Variants in TIPIN observed in about 807,000 individuals in gnomAD.
TIPIN encodes TIMELESS-interacting protein.
TIPIN carries 29 observed loss-of-function variants against 35.6 expected under a neutral mutation model. That is an observed-to-expected ratio of 0.82 (90% CI 0.61 to 1.11). TIPIN has a LOEUF of 1.11. Among genes scored for constraint, TIPIN ranks in the 50% most tolerant of loss-of-function variants. TIPIN has a pLI of 0.00. For missense variants in TIPIN, 296 were observed against 345.4 expected, an observed-to-expected ratio of 0.86 and a Z score of 1.13; for synonymous variants, 102 against 121.5, an observed-to-expected ratio of 0.84 and a Z score of 1.06.
At chr15:66,352,710 T>C in intron 2 of TIPIN, 105 bp downstream of exon 2, 1 of 1,281,116 alleles carries the variant, frequency 7.8e-7, no homozygotes, top group Non-Finnish European at 1.0e-6. Flanking sequence ...CTCAAATTCC[T>C]GACCTTGTGA....
intron 1 of TIPIN, among the ~76,000 whole-genome samples, chr15:66,380,416 A>G (rs2093314697): frequency 6.6e-6 from 1 of 152,194 alleles, no homozygotes; most frequent in Non-Finnish European, 1.5e-5. Flanking sequence ...ATTATGTTCT[A>G]TTGGTTTTTA....
intron 1 of TIPIN, chr15:66,379,581 A>G: frequency 6.2e-7 from 1 of 1,611,506 alleles, no homozygotes; most frequent in Non-Finnish European, 8.5e-7. Flanking sequence ...TCGGATTTCA[A>G]CAACAGACCC....
At chr15:66,366,811 A>G (rs2093256815) in intron 1 of TIPIN, 1 of 983,528 alleles carries the variant, frequency 1.0e-6, no homozygotes. Context: ...AAGAAAAAGA[A>G]AAGAAATTCC....
intron 1 of TIPIN, among the ~76,000 whole-genome samples, chr15:66,353,384 G>C (rs984830016): frequency 6.6e-6 from 1 of 151,984 alleles, no homozygotes; most frequent in Admixed American, 6.6e-5. Context: ...TTGGGAGGCC[G>C]AGGCGGGCGG....
chr15:66,363,371 CG>C (rs2093239287), intron 1 of TIPIN, among the ~76,000 whole-genome samples: 1 of 150,848 alleles, frequency 6.6e-6, no homozygotes, highest in South Asian at 2.1e-4. Flanking sequence ...AGGCCGGGCA[CG>C]GTGGCTCACA....
At chr15:66,360,141 A>G (rs1044012202), upstream of TIPIN, among the ~76,000 whole-genome samples, 7 of 152,182 alleles carry the variant, frequency 4.6e-5, no homozygotes, top group African/African-American at 1.7e-4. Context: ...GTAGTATCGC[A>G]GGTACTTCAG....
chr15:66,359,058 T>A (rs1388313559), upstream of TIPIN, among the ~76,000 whole-genome samples: 61 of 145,066 alleles, frequency 4.2e-4, no homozygotes, highest in East Asian at 6.0e-4. Flanking sequence ...AAAAAAAAAA[T>A]TTAAAAAACA....
chr15:66,350,332 G>C (rs562242607), intron 4 of TIPIN, among the ~76,000 whole-genome samples: 1 of 152,094 alleles, frequency 6.6e-6, no homozygotes, highest in Admixed American at 6.6e-5. Flanking sequence ...TTGGCCAGGC[G>C]CAGTGTCTCA....
At chr15:66,346,638 C>T (rs2093127884) in intron 6 of TIPIN, among the ~76,000 whole-genome samples, 1 of 152,116 alleles carries the variant, frequency 6.6e-6, no homozygotes, top group Admixed American at 6.6e-5. Context: ...TAGCCCTGAA[C>T]CTTTATCACA....
At chr15:66,362,603 C>A (rs1033067504) in intron 1 of TIPIN, among the ~76,000 whole-genome samples, 1 of 151,720 alleles carries the variant, frequency 6.6e-6, no homozygotes, top group African/African-American at 2.4e-5. Context: ...TGCCAGTAGT[C>A]TCAGCTGCTC....
In TIPIN at chr15:66,383,031, T is replaced by C. The variant is rs374416909; in HGVS notation, c.-9+3576A>G. 1.7e-4 allele frequency: 167 copies of C among 984,196 alleles called. 1 individual carries two copies. The South Asian group carries it at 7.1e-3, about 42-fold the overall frequency. 61.0% of individuals were successfully genotyped at this position (984,196 alleles called of 1,614,324 possible). On this transcript the variant is annotated intron_variant, in intron 1 of 7. Transcript: ENST00000562124. ...TGGGGTAATTGTTTATCTGGGCTTC[T>C]TGGATCATGATAAGGGCTTAGGGTT...
At chr15:66,357,266 G>A (rs958726448), upstream of TIPIN, among the ~76,000 whole-genome samples, 1 of 152,122 alleles carries the variant, frequency 6.6e-6, no homozygotes, top group Non-Finnish European at 1.5e-5. Context: ...GGAAAACTGA[G>A]TTGTGGGAGG....
intron 6 of TIPIN, among the ~76,000 whole-genome samples, chr15:66,344,417 A>G (rs2093109249): frequency 6.6e-6 from 1 of 151,112 alleles, no homozygotes; most frequent in African/African-American, 2.5e-5. Context: ...CCTCGTCTCT[A>G]TTACAAAAAA....
rs1267384791 is a variant in TIPIN, at chr15:66,381,445, T to C, written c.-9+5162A>G. 2.6e-5 allele frequency among the ~76,000 whole-genome samples: 4 copies of C among 151,382 alleles called. No individual in the cohort carries two copies. The South Asian group carries it at 6.3e-4, about 24-fold the overall frequency. ...AGAGCAAGTCTCCATCTGGAAAAAA[T>C]TAAAAAAAAAGAATAGAGATCCTAG... On this transcript the variant is annotated intron_variant, in intron 1 of 7. Coordinates refer to the TIPIN transcript ENST00000562124.
intron 1 of TIPIN, among the ~76,000 whole-genome samples, chr15:66,367,250 ATATATCTATATC>A (rs72224909): frequency 1.2e-5 from 1 of 81,194 alleles, no homozygotes; most frequent in Non-Finnish European, 3.0e-5. Flanking sequence ...ATATCTATCT[ATATATCTATATC>A]TATATCTATA....
chr15:66,337,654 T>G (rs2093054146), intron 7 of TIPIN, among the ~76,000 whole-genome samples: 1 of 151,722 alleles, frequency 6.6e-6, no homozygotes, highest in South Asian at 2.1e-4. Context: ...TAAGATCCAT[T>G]TTAAATGCAA....
chr15:66,381,415 G>A (rs1341305766), intron 1 of TIPIN, among the ~76,000 whole-genome samples: 1 of 152,054 alleles, frequency 6.6e-6, no homozygotes, highest in Admixed American at 6.5e-5. Context: ...TCCAGCCCAG[G>A]TGACAGAGCA....
chr15:66,346,621 A>AT (rs1201689444), intron 6 of TIPIN, among the ~76,000 whole-genome samples: 1 of 152,064 alleles, frequency 6.6e-6, no homozygotes, highest in South Asian at 2.1e-4. Flanking sequence ...GATCGTAGTC[A>AT]TTTTTTTAGC....
chr15:66,356,636 C>A lies in TIPIN; in HGVS notation c.-9+3G>T. 1.8e-5 allele frequency: 18 copies of A among 986,344 alleles called. No individual in the cohort carries two copies. The highest frequency in any genetic ancestry group is 2.0e-5 in the Non-Finnish European group (17 of 830,670). 61.1% of individuals were successfully genotyped at this position (986,344 alleles called of 1,614,324 possible). A position where few individuals can be genotyped will look rare whatever the true frequency, so the allele number is the denominator to read the frequency against. ...CTTCATTGGCCCGCCAGCCAGCTCTCACCTCACGCAGAAAACACGGGACAC... is the reference window on the plus strand; with the variant it reads ...CTTCATTGGCCCGCCAGCCAGCTCTAACCTCACGCAGAAAACACGGGACAC... On this transcript the variant is annotated splice_donor_region_variant and intron_variant, in intron 1 of 7. Coordinates refer to ENST00000261881, the MANE Select transcript of TIPIN (RefSeq NM_017858.3).
Sources: gnomAD v4.1 joint callset for allele counts (sites outside exome capture counted in the v4.1 genomes callset) on GRCh38, gnomAD v4.1.1 for gene constraint, MANE v1.5 for transcripts, NCBI Gene and HGNC (gene_info 2026-07-23, HGNC 2026-07-21) for gene names.